LCLAT1: variants seen among roughly 807,000 people sequenced by gnomAD.
LCLAT1 encodes 1-AGP acyltransferase 8.
A neutral mutation model predicts 30.7 loss-of-function variants in LCLAT1; 11 were observed. The observed-to-expected ratio is 0.36, with a 90% CI of 0.23 to 0.59. LCLAT1 has a LOEUF of 0.59. Ranked by LOEUF, LCLAT1 falls within the 20% of genes least tolerant of loss-of-function variation. The pLI is 0.77. For synonymous variants in LCLAT1, 155 were observed against 151.3 expected (o/e 1.02, Z -0.18); for missense variants, 402 against 458.6 (o/e 0.88, Z 1.13).
chr2:30,610,052 C>T (rs1048342684), intron 5 of LCLAT1, among the ~76,000 whole-genome samples: 2 of 152,078 alleles, frequency 1.3e-5, no homozygotes, highest in Non-Finnish European at 2.9e-5. Context: ...GACAAATATG[C>T]AGTTTCTACA....
intron 5 of LCLAT1, among the ~76,000 whole-genome samples, chr2:30,583,801 G>C (rs1372450964): frequency 6.6e-6 from 1 of 152,078 alleles, no homozygotes; most frequent in East Asian, 1.9e-4. Flanking sequence ...TATATGTGGT[G>C]TTTGTGTAGC....
chr2:30,621,030 A>G (rs1668223368), intron 5 of LCLAT1, among the ~76,000 whole-genome samples: 1 of 152,172 alleles, frequency 6.6e-6, no homozygotes, highest in Non-Finnish European at 1.5e-5. Context: ...CTCAATCCTT[A>G]TCTTAAATCT....
intron 3 of LCLAT1, among the ~76,000 whole-genome samples, chr2:30,546,124 A>G (rs1350011650): frequency 6.6e-6 from 1 of 152,192 alleles, no homozygotes; most frequent in East Asian, 1.9e-4. Context: ...GAGAGAAGCC[A>G]GCAGGAACAG....
intron 5 of LCLAT1, chr2:30,606,301 C>T: frequency 3.2e-6 from 1 of 307,926 alleles, no homozygotes; most frequent in South Asian, 2.5e-5. Context: ...GCAAAAAGAA[C>T]ACAGCTGGAG....
At chr2:30,532,196 G>T (rs1686013532) in intron 2 of LCLAT1, among the ~76,000 whole-genome samples, 2 of 152,060 alleles carry the variant, frequency 1.3e-5, no homozygotes, top group Admixed American at 1.3e-4. Flanking sequence ...GTAGGTACTT[G>T]TAGTTCATCT....
At chr2:30,469,656 A>T (rs367751679) in intron 1 of LCLAT1, among the ~76,000 whole-genome samples, 17 of 143,450 alleles carry the variant, frequency 1.2e-4, no homozygotes, top group African/African-American at 3.8e-4. Flanking sequence ...TGGACTCACT[A>T]CAACCTCCGC....
chr2:30,629,891 G>A (rs1253413416), intron 5 of LCLAT1, among the ~76,000 whole-genome samples: 6 of 151,722 alleles, frequency 4.0e-5, no homozygotes, highest in African/African-American at 4.8e-5. Context: ...AAAGATGCAC[G>A]AAAAATAAAT....
At chr2:30,553,271 A>G (rs544995719) in intron 3 of LCLAT1, among the ~76,000 whole-genome samples, 88 of 152,222 alleles carry the variant, frequency 5.8e-4, no homozygotes, top group Non-Finnish European at 9.7e-4. Flanking sequence ...AAACTTGGTA[A>G]AAGGGAATGT....
intron 5 of LCLAT1, among the ~76,000 whole-genome samples, chr2:30,610,478 A>G (rs2148504008): frequency 6.6e-6 from 1 of 152,292 alleles, no homozygotes; most frequent in East Asian, 1.9e-4. Flanking sequence ...TTGTGTATCA[A>G]GGTCTGGTGG....
At chr2:30,584,601 T>G (rs1411491398) in intron 5 of LCLAT1, among the ~76,000 whole-genome samples, 2 of 152,182 alleles carry the variant, frequency 1.3e-5, no homozygotes, top group Non-Finnish European at 2.9e-5. Context: ...TGTAATTCTT[T>G]CTAGTTTATT....
intron 1 of LCLAT1, among the ~76,000 whole-genome samples, chr2:30,452,313 T>C (rs1039276796): frequency 6.6e-6 from 1 of 151,946 alleles, no homozygotes; most frequent in Non-Finnish European, 1.5e-5. Context: ...GGGATAATTA[T>C]GAAAGAGGTA....
intron 5 of LCLAT1, among the ~76,000 whole-genome samples, chr2:30,594,792 A>G (rs921627127): frequency 2.6e-5 from 4 of 152,240 alleles, no homozygotes; most frequent in African/African-American, 9.6e-5. Context: ...GGAAACAACA[A>G]CCAAGCAGAT....
chr2:30,496,308 C>T (rs1469204579), intron 1 of LCLAT1, among the ~76,000 whole-genome samples: 1 of 152,154 alleles, frequency 6.6e-6, no homozygotes, highest in African/African-American at 2.4e-5. Flanking sequence ...ATCCCTCTTT[C>T]TGAATTAGTT....
Position 30,525,588 on chromosome 2 carries a change from A to G in LCLAT1, c.-3A>G. 6.2e-7 allele frequency: 1 copy of G among 1,611,654 alleles called. No individual in the cohort carries two copies. The highest frequency in any genetic ancestry group is 8.5e-7 in the Non-Finnish European group (1 of 1,178,014). On this transcript the variant is annotated splice_region_variant and 5_prime_UTR_variant, in exon 2 of 6. Transcript: ENST00000379509. ...TATATCCTTTTTTATATCTTTCAGA[A>G]TCATGGTGTCATGGAAAGGGATTTA...
chr2:30,589,130 A>T (rs930511590), intron 5 of LCLAT1, among the ~76,000 whole-genome samples: 1 of 152,220 alleles, frequency 6.6e-6, no homozygotes, highest in Non-Finnish European at 1.5e-5. Context: ...AGTTCATCAG[A>T]TATTAAATTC....
At chr2:30,606,011 A>C in intron 5 of LCLAT1, 1 of 1,295,954 alleles carries the variant, frequency 7.7e-7, no homozygotes, top group Non-Finnish European at 1.0e-6. Flanking sequence ...CACTCTGTTG[A>C]TCAGGCAGGA....
At chr2:30,548,001 G>T (rs550195688) in intron 3 of LCLAT1, among the ~76,000 whole-genome samples, 2 of 152,028 alleles carry the variant, frequency 1.3e-5, no homozygotes, top group Non-Finnish European at 2.9e-5. Flanking sequence ...ACATATTTTA[G>T]TTCTGTTGCC....
At chr2:30,462,262 G>A (rs1368238635) in intron 1 of LCLAT1, among the ~76,000 whole-genome samples, 1 of 152,140 alleles carries the variant, frequency 6.6e-6, no homozygotes, top group East Asian at 1.9e-4. Flanking sequence ...CTTGGATGGG[G>A]CACTCAGTTT....
At chr2:30,538,518 C>G (rs1663921854) in intron 3 of LCLAT1, among the ~76,000 whole-genome samples, 1 of 151,832 alleles carries the variant, frequency 6.6e-6, no homozygotes, top group South Asian at 2.1e-4. Context: ...ACCTGTAATC[C>G]CAGCTCCTTG....
Sources: allele counts gnomAD v4.1 joint callset (sites outside exome capture counted in the v4.1 genomes callset), GRCh38; gene constraint gnomAD v4.1.1; transcripts MANE v1.5; gene names NCBI Gene and HGNC (gene_info 2026-07-23, HGNC 2026-07-21).